The following ZNF7 variants were observed in gnomAD, a reference collection of about 807,000 sequenced individuals.
ZNF7 encodes the protein zinc finger protein 7.
A neutral mutation model predicts 12.0 loss-of-function variants in ZNF7; 10 were observed. The ratio of observed to expected loss-of-function variants is 0.83; its 90% CI spans 0.51 to 1.42. The LOEUF (loss-of-function observed/expected upper bound fraction) is 1.42, where lower values mean the gene tolerates loss of function less well. Among genes scored for constraint, ZNF7 ranks in the 40% most tolerant of loss-of-function variants. The pLI, the probability that ZNF7 is intolerant of heterozygous loss-of-function variation, is 0.00. For synonymous variants in ZNF7, 334 were observed against 295.0 expected (o/e 1.13, Z -1.35); for missense variants, 854 against 837.2 (o/e 1.02, Z -0.25).
At chr8:144,841,063 T>G (rs541448037) in intron 4 of ZNF7, 3 of 371,442 alleles carry the variant, frequency 8.1e-6, no homozygotes, top group African/African-American at 6.2e-5. Context: ...TGCCTCTGCA[T>G]GGACTGTGCC....
At chr8:144,840,539 A>G (rs1829752041) in intron 4 of ZNF7, among the ~76,000 whole-genome samples, 1 of 152,138 alleles carries the variant, frequency 6.6e-6, no homozygotes, top group African/African-American at 2.4e-5. Context: ...GCATCCTGTC[A>G]TGGTTTGATC....
chr8:144,842,632 A>C lies in ZNF7; in HGVS notation c.1525A>C (p.Ser509Arg). The part of the protein sequence containing the change: ...CNDCGKAFSQ[S>R]SSLIYHQRIH... Reference sequence around the variant, plus strand: ...TGACTGTGGAAAAGCCTTCAGTCAGAGTTCCAGCCTTATTTACCATCAGAG... The same window carrying C: ...TGACTGTGGAAAAGCCTTCAGTCAGCGTTCCAGCCTTATTTACCATCAGAG... The change falls in exon 5 of 5, where the codon AGT (serine) becomes CGT (arginine). Residue 509 changes from serine to arginine, a missense_variant. Physicochemically the swap from Ser to Arg is moderately radical, Grantham distance 110. Transcript: ENST00000532777. 1 of 1,614,244 alleles carries C rather than the reference A, an allele frequency of 6.2e-7. No homozygotes were observed. Among genetic ancestry groups the C allele is most frequent in the South Asian group, 1.1e-5 (1 of 91,090 alleles).
chr8:144,846,249 G>T (rs1315107257), downstream of ZNF7: 14 of 1,448,060 alleles, frequency 9.7e-6, no homozygotes, highest in Non-Finnish European at 1.3e-5. Context: ...AAAAGGGGCT[G>T]GGGTGCAAGC....
chr8:144,827,737 G>A (rs1827933381), intron 1 of ZNF7, 128 bp downstream of exon 1: 4 of 960,338 alleles, frequency 4.2e-6, no homozygotes, highest in Non-Finnish European at 5.0e-6. Flanking sequence ...GGGAAAGCGC[G>A]GGGGCTTTGC....
In ZNF7 at chr8:144,831,152, C is replaced by G. The variant is rs1294977008; in HGVS notation, c.130+1548C>G. The G allele has an allele frequency of 1.1e-5, 4 of 367,430 alleles. 1 individual carries two copies. In the Admixed American group the frequency reaches 1.3e-4, roughly 12 times the overall value. 22.8% of individuals were successfully genotyped at this position (367,430 alleles called of 1,614,324 possible). On this transcript the variant is annotated intron_variant, in intron 3 of 4. Transcript: ENST00000532777. ...CTCAGGCCCTGTGTGTACACAGTTGCTGATGTACCAGTAACTGGAATTGCA... is the reference window on the plus strand; with the variant it reads ...CTCAGGCCCTGTGTGTACACAGTTGGTGATGTACCAGTAACTGGAATTGCA...
At chr8:144,840,895 G>C (rs1829807805) in intron 4 of ZNF7, 2 of 157,360 alleles carry the variant, frequency 1.3e-5, no homozygotes, top group Middle Eastern at 3.2e-3. Flanking sequence ...TAAGTCCCTT[G>C]GCAGCTCTTC....
intron 4 of ZNF7, among the ~76,000 whole-genome samples, chr8:144,840,125 G>A (rs1252870747): frequency 6.6e-6 from 1 of 152,220 alleles, no homozygotes; most frequent in Non-Finnish European, 1.5e-5. Context: ...CTTCACAGCA[G>A]GGGAAGGCTT....
At chr8:144,828,309 C>T (rs544920531) in intron 1 of ZNF7, among the ~76,000 whole-genome samples, 2 of 152,340 alleles carry the variant, frequency 1.3e-5, no homozygotes, top group East Asian at 1.9e-4. Flanking sequence ...ATCCCTGTGC[C>T]TGGTTCCATC....
chr8:144,841,259 A>AT, intron 4 of ZNF7, 96 bp from the exon 5 acceptor site: 1 of 1,303,838 alleles, frequency 7.7e-7, no homozygotes, highest in Non-Finnish European at 1.0e-6. Flanking sequence ...CAGTGCAACT[A>AT]TCCTGGGAGC....
intron 4 of ZNF7, among the ~76,000 whole-genome samples, chr8:144,840,260 C>A (rs561075724): frequency 2.0e-5 from 3 of 152,330 alleles, no homozygotes; most frequent in African/African-American, 7.2e-5. Flanking sequence ...CCTTGAGCAT[C>A]CCTGCTACAC....
Position 144,841,967 on chromosome 8 carries a change from T to G in ZNF7, c.860T>G (p.Phe287Cys). 6.2e-7 allele frequency: 1 copy of G among 1,614,168 alleles called. No homozygotes were observed. Among genetic ancestry groups the G allele is most frequent in the South Asian group, 1.1e-5 (1 of 91,076 alleles). The change falls in exon 5 of 5, where the codon TTC becomes TGC. Residue 287 changes from phenylalanine to cysteine, a missense_variant. Physicochemically the swap from Phe to Cys is radical, Grantham distance 205 (BLOSUM62 -2). Coordinates refer to ENST00000532777, the MANE Select transcript of ZNF7 (RefSeq NM_003416.4). The part of the protein sequence containing the change: ...PFKCTECGKA[F>C]RLSSKLIQHQ... Reference sequence around the variant, plus strand: ...AAATGCACTGAGTGTGGAAAAGCCTTCCGCCTGAGCTCAAAACTTATTCAG... The same window carrying G: ...AAATGCACTGAGTGTGGAAAAGCCTGCCGCCTGAGCTCAAAACTTATTCAG...
At chr8:144,845,777 G>C (rs991771148), downstream of ZNF7, among the ~76,000 whole-genome samples, 3 of 152,172 alleles carry the variant, frequency 2.0e-5, no homozygotes, top group Non-Finnish European at 4.4e-5. Flanking sequence ...CACAGCCATG[G>C]AGTCAGTGCA....
At chr8:144,829,697 C>T (rs966067625) in intron 3 of ZNF7, 93 bp downstream of exon 3, 41 of 1,476,250 alleles carry the variant, frequency 2.8e-5, no homozygotes, top group African/African-American at 1.7e-4. Flanking sequence ...GCAGGCCAAA[C>T]GCTCAGACCC....
Position 144,843,222 on chromosome 8 carries a change from C to T in ZNF7, c.*54C>T, listed in dbSNP as rs751287431. 3.3e-5 allele frequency: 50 copies of T among 1,494,836 alleles called. No individual in the cohort carries two copies. The highest frequency in any genetic ancestry group is 5.6e-5 in the African/African-American group (4 of 71,106). 92.6% of individuals were successfully genotyped at this position (1,494,836 alleles called of 1,614,324 possible). ...TGAATAAACCTATAGCCTTAACTTA[C>T]TTATTTTATATGGAATCGTTTATAC... On this transcript the variant is annotated 3_prime_UTR_variant, in exon 5 of 5. Coordinates refer to ENST00000532777, the MANE Select transcript of ZNF7 (RefSeq NM_003416.4).
chr8:144,837,407 C>A lies in ZNF7; in HGVS notation c.147C>A (p.Phe49Leu). Residue 49 changes from phenylalanine to leucine, a missense_variant, in exon 4 of 5, where the codon TTC (phenylalanine) becomes TTA (leucine). Physicochemically the swap from Phe to Leu is conservative, Grantham distance 22 (BLOSUM62 0). Coordinates refer to ENST00000532777, the MANE Select transcript of ZNF7 (RefSeq NM_003416.4). ...CACACACAGCAGGATTCCTGGTTTT[C>A]AAGCCTGAGCTGATCTCTCGGCTGG... ...SVAGLAGFLV[F>L]KPELISRLEQ... The A allele has an allele frequency of 6.2e-7, 1 of 1,609,940 alleles. No individual in the cohort carries two copies. Among genetic ancestry groups the A allele is most frequent in the Non-Finnish European group, 8.5e-7 (1 of 1,176,750 alleles).
At chr8:144,837,241 C>G (rs1829113979) in intron 3 of ZNF7, 150 bp from the exon 4 acceptor site, 1 of 593,902 alleles carries the variant, frequency 1.7e-6, no homozygotes, top group Admixed American at 2.5e-5. Flanking sequence ...CCCAGATTCT[C>G]CCCACCCTCC....
intron 1 of ZNF7, 43 bp downstream of exon 1, chr8:144,827,652 C>A: frequency 1.0e-6 from 1 of 985,494 alleles, no homozygotes; most frequent in Non-Finnish European, 1.2e-6. Flanking sequence ...GCCCTCGGTC[C>A]GAGTGATCCC....
At chr8:144,830,514 G>A (rs1006282034) in intron 3 of ZNF7, among the ~76,000 whole-genome samples, 2 of 152,158 alleles carry the variant, frequency 1.3e-5, no homozygotes, top group Non-Finnish European at 2.9e-5. Context: ...TGCTTTGAAG[G>A]TGTTGTTTCT....
Position 144,843,634 on chromosome 8 carries a change from T to G in ZNF7, c.*466T>G, listed in dbSNP as rs1305957753. On this transcript the variant is annotated 3_prime_UTR_variant, in exon 5 of 5. Coordinates refer to ENST00000532777, the MANE Select transcript of ZNF7 (RefSeq NM_003416.4). ...AATCCAACTTCATACAAAATGTATG[T>G]TTATTTCCTGAAATGTTTGACCTTA... is the stretch of plus-strand genomic sequence containing the variant. 1 of 152,968 alleles carries G rather than the reference T, an allele frequency of 6.5e-6. No individual in the cohort carries two copies. Among genetic ancestry groups the G allele is most frequent in the Non-Finnish European group, 1.5e-5 (1 of 68,746 alleles). The allele number at this position is 152,968 out of a possible 1,614,324, so 9.5% of individuals were successfully genotyped here.
Sources: allele counts gnomAD v4.1 joint callset (sites outside exome capture counted in the v4.1 genomes callset), GRCh38; gene constraint gnomAD v4.1.1; transcripts MANE v1.5; gene names NCBI Gene and HGNC (gene_info 2026-07-23, HGNC 2026-07-21).